PTCD2: variants seen among roughly 807,000 people sequenced by gnomAD.
The protein encoded by PTCD2 is pentatricopeptide repeat-containing protein 2, mitochondrial.
Under a neutral mutation model 42.6 loss-of-function variants are expected in PTCD2, and 31 were observed. That is an observed-to-expected ratio of 0.73 (90% CI 0.55 to 0.98). The LOEUF is 0.98. Ranked by LOEUF, PTCD2 falls within the 50% of genes least tolerant of loss-of-function variation. PTCD2 has a pLI of 0.00. For missense variants in PTCD2, 476 were observed against 454.8 expected (o/e 1.05, Z -0.42); for synonymous variants, 183 against 170.9 (o/e 1.07, Z -0.55).
chr5:72,323,108 C>G (rs1219724470), intron 2 of PTCD2, among the ~76,000 whole-genome samples: 1 of 152,022 alleles, frequency 6.6e-6, no homozygotes, highest in Non-Finnish European at 1.5e-5. Flanking sequence ...CATGATCACA[C>G]CACTGCACTC....
At chr5:72,357,419 T>C (rs926816273) in intron 9 of PTCD2, among the ~76,000 whole-genome samples, 73 of 152,344 alleles carry the variant, frequency 4.8e-4, no homozygotes, top group African/African-American at 1.7e-3. Flanking sequence ...ACTACCATTG[T>C]TTCTTATCTG....
At chr5:72,351,414 A>C (rs1219768303) in intron 8 of PTCD2, among the ~76,000 whole-genome samples, 1 of 152,210 alleles carries the variant, frequency 6.6e-6, no homozygotes, top group African/African-American at 2.4e-5. Flanking sequence ...TGCCTGCAGT[A>C]ACCTGTGTGC....
At chr5:72,341,637 A>G (rs1467232437) in intron 7 of PTCD2, among the ~76,000 whole-genome samples, 1 of 152,104 alleles carries the variant, frequency 6.6e-6, no homozygotes, top group Non-Finnish European at 1.5e-5. Flanking sequence ...CTTGCTGCTC[A>G]GGAGACTGAG....
In PTCD2 at chr5:72,320,405, C is replaced by A. The variant is rs77657533; in HGVS notation, c.23C>A (p.Ala8Asp). Residue 8 changes from alanine to aspartate, a missense_variant, in exon 1 of 10, where the codon GCT becomes GAT. Transcript: ENST00000380639. MVRDSMA[A>D]AFRPSNRVLL... Reference sequence around the variant, plus strand: ...GGTATGGTCCGAGACAGTATGGCTGCTGCATTTCGGCCCTCGAATCGAGTT... The same window carrying A: ...GGTATGGTCCGAGACAGTATGGCTGATGCATTTCGGCCCTCGAATCGAGTT... 6.2e-7 allele frequency: 1 copy of A among 1,612,404 alleles called. No homozygotes were observed. The highest frequency in any genetic ancestry group is 8.5e-7 in the Non-Finnish European group (1 of 1,179,894).
intron 1 of PTCD2, 52 bp downstream of exon 1, chr5:72,320,561 G>A (rs1027631209): frequency 6.2e-7 from 1 of 1,607,666 alleles, no homozygotes; most frequent in Non-Finnish European, 8.5e-7. Context: ...AGAGAAGGGA[G>A]TGTTAGATCC....
chr5:72,320,695 C>G, intron 1 of PTCD2, 186 bp downstream of exon 1: 1 of 693,670 alleles, frequency 1.4e-6, no homozygotes. Flanking sequence ...ACCCCCAGTG[C>G]CTGCAAATCG....
Position 72,359,239 on chromosome 5 carries a change from A to G in PTCD2, c.*812A>G, listed in dbSNP as rs964312503. 1 of 152,140 alleles carries G rather than the reference A, an allele frequency of 6.6e-6. No homozygotes were observed. The highest frequency in any genetic ancestry group is 1.5e-5 in the Non-Finnish European group (1 of 68,008). 9.4% of individuals were successfully genotyped at this position (152,140 alleles called of 1,614,324 possible). ...AATATTTAGTCCTATAGTTTATCTT[A>G]TTTGTTAATGATTTTTCTCTCTTGA... On this transcript the variant is annotated 3_prime_UTR_variant, in exon 10 of 10. Coordinates refer to ENST00000380639, the MANE Select transcript of PTCD2 (RefSeq NM_024754.5).
chr5:72,331,196 T>C (rs1751422917), intron 3 of PTCD2, 62 bp from the exon 4 acceptor site: 1 of 1,044,024 alleles, frequency 9.6e-7, no homozygotes, highest in Non-Finnish European at 1.5e-6. Flanking sequence ...CCTGCCATAG[T>C]CTGTGTCTGT....
intron 8 of PTCD2, among the ~76,000 whole-genome samples, chr5:72,349,445 A>G (rs1280586915): frequency 6.6e-6 from 1 of 152,214 alleles, no homozygotes; most frequent in Non-Finnish European, 1.5e-5. Context: ...GGAGGAGAGA[A>G]TGGATATTGG....
chr5:72,327,184 A>G (rs749332381), intron 3 of PTCD2, among the ~76,000 whole-genome samples: 5 of 152,124 alleles, frequency 3.3e-5, no homozygotes, highest in Non-Finnish European at 5.9e-5. Flanking sequence ...TATCTCCCTC[A>G]GCTCTAGCCT....
intron 7 of PTCD2, among the ~76,000 whole-genome samples, chr5:72,340,973 T>G (rs1378249484): frequency 4.0e-5 from 6 of 151,364 alleles, no homozygotes; most frequent in Middle Eastern, 3.4e-3. Flanking sequence ...TTTTCTGTTT[T>G]TTTTTTTTTG....
chr5:72,320,416 C>G lies in PTCD2; in HGVS notation c.34C>G (p.Pro12Ala). The G allele has an allele frequency of 6.2e-7, 1 of 1,614,146 alleles. No individual in the cohort carries two copies. The highest frequency in any genetic ancestry group is 8.5e-7 in the Non-Finnish European group (1 of 1,180,034). ...VRDSMAAAFR[P>A]SNRVLLQALQ... The stretch of plus-strand genomic sequence containing the variant: ...AGACAGTATGGCTGCTGCATTTCGG[C>G]CCTCGAATCGAGTTCTCCTGCAGGC... Residue 12 changes from proline (P) to alanine (A), a missense_variant, in exon 1 of 10, where the codon CCC becomes GCC. Coordinates refer to ENST00000380639, the MANE Select transcript of PTCD2 (RefSeq NM_024754.5).
At position 72,366,524 on chromosome 5, in the gene PTCD2, T is replaced by C. The variant is rs1376819748; in HGVS notation, c.*8097T>C. 1.3e-5 allele frequency: 2 copies of C among 152,308 alleles called. No individual in the cohort carries two copies. The highest frequency in any genetic ancestry group is 4.8e-5 in the African/African-American group (2 of 41,564). 9.4% of individuals were successfully genotyped at this position (152,308 alleles called of 1,614,324 possible). A position where few individuals can be genotyped will look rare whatever the true frequency, so the allele number is the denominator to read the frequency against. ...CCCTGGCCAACTTCCTGCTTTGCTG[T>C]CAGTAGCAGAGCTGAAGAACTTACA... On this transcript the variant is annotated 3_prime_UTR_variant, in exon 10 of 10. Coordinates refer to ENST00000380639, the MANE Select transcript of PTCD2 (RefSeq NM_024754.5).
At chr5:72,327,103 C>T (rs1470996114) in intron 3 of PTCD2, among the ~76,000 whole-genome samples, 2 of 152,174 alleles carry the variant, frequency 1.3e-5, no homozygotes, top group Admixed American at 6.5e-5. Context: ...ATTTTGGAGC[C>T]TCTTTACTCT....
At chr5:72,333,134 C>A (rs974739924) in intron 4 of PTCD2, among the ~76,000 whole-genome samples, 4 of 152,132 alleles carry the variant, frequency 2.6e-5, no homozygotes, top group African/African-American at 9.7e-5. Flanking sequence ...AGACCCTTGA[C>A]TCTGACCTAG....
Position 72,360,857 on chromosome 5 carries a change from G to T in PTCD2, c.*2430G>T, listed in dbSNP as rs530033573. On this transcript the variant is annotated 3_prime_UTR_variant, in exon 10 of 10. Coordinates refer to ENST00000380639, the MANE Select transcript of PTCD2 (RefSeq NM_024754.5). ...GTGCCACCACACTGGCTTATTTTTT[G>T]TATTTTTTTAGTAGAGATGGGGTTT... 1 of 151,966 alleles carries T rather than the reference G, an allele frequency of 6.6e-6. No homozygotes were observed. Among genetic ancestry groups the T allele is most frequent in the African/African-American group, 2.4e-5 (1 of 41,480 alleles). The allele number at this position is 151,966 out of a possible 1,614,324, so 9.4% of individuals were successfully genotyped here.
rs1022320404 is a variant in PTCD2 at position 72,361,693 on chromosome 5, G to C, written c.*3266G>C. On this transcript the variant is annotated 3_prime_UTR_variant, in exon 10 of 10. Transcript: ENST00000380639. ...TTAAAACCTCCTGAGGACCTCACATGCTTCTGGATAAAGCTCAGGCTCTTC... is the reference window on the plus strand; with the variant it reads ...TTAAAACCTCCTGAGGACCTCACATCCTTCTGGATAAAGCTCAGGCTCTTC... 1 of 152,210 alleles carries C rather than the reference G, an allele frequency of 6.6e-6. No individual in the cohort carries two copies. Among genetic ancestry groups the C allele is most frequent in the Non-Finnish European group, 1.5e-5 (1 of 68,050 alleles). 9.4% of individuals were successfully genotyped at this position (152,210 alleles called of 1,614,324 possible). A position where few individuals can be genotyped will look rare whatever the true frequency, so the allele number is the denominator to read the frequency against.
chr5:72,339,041 T>C (rs1387986215), intron 7 of PTCD2, among the ~76,000 whole-genome samples: 1 of 152,246 alleles, frequency 6.6e-6, no homozygotes, highest in Non-Finnish European at 1.5e-5. Context: ...CAGTTTAATT[T>C]AATGCTCTCC....
chr5:72,359,996 G>A lies in PTCD2; in HGVS notation c.*1569G>A, dbSNP rs1753054862. 1 of 151,968 alleles carries A rather than the reference G, an allele frequency of 6.6e-6. No individual in the cohort carries two copies. The highest frequency in any genetic ancestry group is 6.6e-5 in the Admixed American group (1 of 15,230). The allele number at this position is 151,968 out of a possible 1,614,324, so 9.4% of individuals were successfully genotyped here. On this transcript the variant is annotated 3_prime_UTR_variant, in exon 10 of 10. Coordinates refer to ENST00000380639, the MANE Select transcript of PTCD2 (RefSeq NM_024754.5). Reference sequence around the variant, plus strand: ...GATGAAATGAGATAGGGAATATAAAGCAAGCAGATAGTGGCTGGCACATAG... The same window carrying A: ...GATGAAATGAGATAGGGAATATAAAACAAGCAGATAGTGGCTGGCACATAG...
Sources: allele counts gnomAD v4.1 joint callset (sites outside exome capture counted in the v4.1 genomes callset), GRCh38; gene constraint gnomAD v4.1.1; transcripts MANE v1.5; gene names NCBI Gene and HGNC (gene_info 2026-07-23, HGNC 2026-07-21).